The following AKAP10 variants were observed in gnomAD, a reference collection of about 807,000 sequenced individuals.
AKAP10 encodes A-kinase anchor protein 10, mitochondrial.
AKAP10 carries 24 observed loss-of-function variants against 80.8 expected under a neutral mutation model. The ratio of observed to expected loss-of-function variants is 0.30; its 90% confidence interval spans 0.22 to 0.42. The LOEUF (loss-of-function observed/expected upper bound fraction) is 0.42, where lower values mean the gene tolerates loss of function less well. AKAP10 is among the 10% of genes least tolerant of loss of function. The pLI, the probability that AKAP10 is intolerant of heterozygous loss-of-function variation, is 1.00. For synonymous variants in AKAP10, 291 were observed against 277.7 expected, an observed-to-expected ratio of 1.05 and a Z score of -0.48; for missense variants, 661 against 794.9, an observed-to-expected ratio of 0.83 and a Z score of 2.03.
At chr17:19,953,810 T>G (rs1393241816) in intron 4 of AKAP10, among the ~76,000 whole-genome samples, 1 of 152,028 alleles carries the variant, frequency 6.6e-6, no homozygotes, top group East Asian at 1.9e-4. Flanking sequence ...GGTGGGCTAA[T>G]CACTTGAGGT....
chr17:19,919,486 C>A (rs1036330097), intron 12 of AKAP10, among the ~76,000 whole-genome samples: 2 of 152,096 alleles, frequency 1.3e-5, no homozygotes, highest in African/African-American at 2.4e-5. Context: ...GAGTATGAGA[C>A]CAGCCTAGCC....
intron 10 of AKAP10, among the ~76,000 whole-genome samples, chr17:19,931,392 CTTTT>C (rs577953997): frequency 7.3e-6 from 1 of 137,790 alleles, no homozygotes. Flanking sequence ...TTATTTCTCT[CTTTT>C]TTTTTTTTTT....
At chr17:19,969,276 C>T (rs1262192791) in intron 1 of AKAP10, among the ~76,000 whole-genome samples, 4 of 152,032 alleles carry the variant, frequency 2.6e-5, no homozygotes, top group South Asian at 2.1e-4. Context: ...ACCCAGGAGG[C>T]GGAGGTTGCA....
intron 4 of AKAP10, among the ~76,000 whole-genome samples, chr17:19,949,768 CAA>C (rs1030981596): frequency 1.4e-5 from 1 of 72,964 alleles, no homozygotes. Context: ...GACTCTGTCT[CAA>C]AAAAAAAAGA....
intron 1 of AKAP10, among the ~76,000 whole-genome samples, chr17:19,973,178 C>T (rs1356331757): frequency 6.6e-6 from 1 of 152,176 alleles, no homozygotes; most frequent in Non-Finnish European, 1.5e-5. Context: ...CAGGGTTTCA[C>T]CATGTTGGCC....
chr17:19,906,751 C>T (rs1029449325), intron 14 of AKAP10, among the ~76,000 whole-genome samples: 6 of 152,124 alleles, frequency 3.9e-5, no homozygotes, highest in Non-Finnish European at 5.9e-5. Flanking sequence ...CAAGTACATC[C>T]TATAGGCAAA....
intron 1 of AKAP10, among the ~76,000 whole-genome samples, chr17:19,973,141 A>G (rs981473297): frequency 2.6e-5 from 4 of 151,980 alleles, no homozygotes; most frequent in African/African-American, 7.2e-5. Context: ...CACCATGCCC[A>G]GCTATTTTTT....
At chr17:19,906,844 C>T (rs1270155954) in intron 14 of AKAP10, among the ~76,000 whole-genome samples, 1 of 152,122 alleles carries the variant, frequency 6.6e-6, no homozygotes. Context: ...GGACTTCATG[C>T]ATTCATAAAA....
chr17:19,908,881 A>T (rs2042660475), intron 14 of AKAP10, among the ~76,000 whole-genome samples: 1 of 152,306 alleles, frequency 6.6e-6, no homozygotes, highest in Middle Eastern at 3.4e-3. Context: ...TTGGCCTCCC[A>T]AAGTGCTGGG....
intron 9 of AKAP10, among the ~76,000 whole-genome samples, chr17:19,933,756 T>C (rs1347766853): frequency 2.0e-5 from 3 of 152,254 alleles, no homozygotes; most frequent in East Asian, 3.9e-4. Flanking sequence ...TCAGTTTTTA[T>C]GTATGGTATT....
chr17:19,975,429 C>A (rs967680068), intron 1 of AKAP10, among the ~76,000 whole-genome samples: 10 of 152,158 alleles, frequency 6.6e-5, no homozygotes, highest in African/African-American at 2.2e-4. Context: ...TCTTGAAGGG[C>A]ACCATGCTCT....
At chr17:19,907,726 T>C (rs2042646457) in intron 14 of AKAP10, among the ~76,000 whole-genome samples, 1 of 151,936 alleles carries the variant, frequency 6.6e-6, no homozygotes, top group Admixed American at 6.6e-5. Context: ...TTTTTAATAT[T>C]TAAAATAGCC....
chr17:19,931,057 C>T (rs1211183924), intron 10 of AKAP10, among the ~76,000 whole-genome samples: 1 of 151,958 alleles, frequency 6.6e-6, no homozygotes, highest in African/African-American at 2.4e-5. Flanking sequence ...GCCTCTAGTC[C>T]CAGCTATTCA....
chr17:19,922,443 G>A (rs895165934), intron 11 of AKAP10, among the ~76,000 whole-genome samples: 10 of 151,844 alleles, frequency 6.6e-5, no homozygotes, highest in African/African-American at 1.9e-4. Context: ...TAGTAGAGAC[G>A]GAGTTTCACC....
chr17:19,954,319 G>A (rs544829718), intron 4 of AKAP10, among the ~76,000 whole-genome samples: 1 of 152,036 alleles, frequency 6.6e-6, no homozygotes, highest in Non-Finnish European at 1.5e-5. Context: ...AAAGTACAAA[G>A]GCAATTCAAT....
At chr17:19,974,093 G>A (rs1439551536) in intron 1 of AKAP10, among the ~76,000 whole-genome samples, 1 of 152,158 alleles carries the variant, frequency 6.6e-6, no homozygotes, top group Non-Finnish European at 1.5e-5. Context: ...TTGCGAGGCT[G>A]AGGCAGGAGA....
intron 1 of AKAP10, 23 bp from the exon 2 acceptor site, chr17:19,968,484 T>C (rs544678164): frequency 6.2e-6 from 10 of 1,605,284 alleles, no homozygotes; most frequent in Middle Eastern, 1.7e-4. Context: ...AAGATAATTA[T>C]GACCAACTTT....
At position 19,962,835 on chromosome 17, in the gene AKAP10, C is replaced by T; in HGVS notation, c.319+5G>A. On this transcript the variant is annotated splice_donor_5th_base_variant and intron_variant, in intron 3 of 14. Transcript: ENST00000225737. ...ACAAGTTAATAAAAAATGATAGTTA[C>T]TTACCCAGGTCACCAAAATGAGCGG... 1 of 1,611,110 alleles carries T rather than the reference C, an allele frequency of 6.2e-7. No homozygotes were observed. The highest frequency in any genetic ancestry group is 8.5e-7 in the Non-Finnish European group (1 of 1,178,470).
At chr17:19,947,180 G>GC (rs1040347890) in intron 5 of AKAP10, 17 of 503,272 alleles carry the variant, frequency 3.4e-5, no homozygotes, top group Non-Finnish European at 3.6e-6. Context: ...CTGAGCACCC[G>GC]CTACACTGCA....
Sources: allele counts gnomAD v4.1 joint callset (sites outside exome capture counted in the v4.1 genomes callset), GRCh38; gene constraint gnomAD v4.1.1; transcripts MANE v1.5; gene names NCBI Gene and HGNC (gene_info 2026-07-23, HGNC 2026-07-21).